CHD5: variants seen among roughly 807,000 people sequenced by gnomAD.
The protein encoded by CHD5 is chromodomain helicase DNA binding protein 5.
A neutral mutation model predicts 230.3 loss-of-function variants in CHD5; 69 were observed. That is an observed-to-expected ratio of 0.30 (90% confidence interval 0.25 to 0.37). The LOEUF is 0.37. CHD5 is among the 10% of genes least tolerant of loss of function. The pLI is 1.00. For missense variants in CHD5, 1,827 were observed against 2,622.8 expected, an observed-to-expected ratio of 0.70 and a Z score of 6.63; for synonymous variants, 1,064 against 1,065.9, an observed-to-expected ratio of 1.00 and a Z score of 0.03.
At chr1:6,136,409 G>T in intron 17 of CHD5, 108 bp downstream of exon 17, 2 of 1,305,860 alleles carry the variant, frequency 1.5e-6, no homozygotes, top group South Asian at 1.4e-5. Flanking sequence ...TTACTGATGA[G>T]GAAGCAACGG....
chr1:6,123,983 G>T lies in CHD5; in HGVS notation c.4664C>A (p.Pro1555His). 6.2e-7 allele frequency: 1 copy of T among 1,605,664 alleles called. No homozygotes were observed. Residue 1555 changes from proline to histidine, a missense_variant, in exon 31 of 42, where the codon CCT (proline) becomes CAT (histidine). This residue lies in a region of CHD5 where 272 missense variants were observed against 263.2 expected (regional missense o/e 1.03). Transcript: ENST00000262450. ...CAGCGGGGCTGGCAGGAGGTGGGCA[G>T]GGCTGGCGGGCACTGGTGTGTTGGG... ...SDPNTPVPAS[P>H]AHLLPAPLGL...
chr1:6,180,052 C>G lies in CHD5; in HGVS notation c.-29G>C. 1 of 1,219,284 alleles carries G rather than the reference C, an allele frequency of 8.2e-7. No individual in the cohort carries two copies. Among genetic ancestry groups the G allele is most frequent in the Non-Finnish European group, 1.0e-6 (1 of 954,340 alleles). 75.5% of individuals were successfully genotyped at this position (1,219,284 alleles called of 1,614,324 possible). ...CGGCGCGGGGAGGAGGGGAGGTGGG[C>G]GCCCCCCCTCCCGCCGGGCGCGGTG... is the stretch of plus-strand genomic sequence containing the variant. On this transcript the variant is annotated 5_prime_UTR_variant, in exon 1 of 42. Transcript: ENST00000262450.
At chr1:6,157,744 T>C (rs1667101813) in intron 3 of CHD5, among the ~76,000 whole-genome samples, 1 of 152,204 alleles carries the variant, frequency 6.6e-6, no homozygotes, top group Non-Finnish European at 1.5e-5. Flanking sequence ...ACGGACCCCT[T>C]GGTCCCCACC....
intron 1 of CHD5, among the ~76,000 whole-genome samples, chr1:6,170,310 A>AC (rs1377342186): frequency 6.6e-6 from 1 of 151,916 alleles, no homozygotes. Flanking sequence ...CCGGCCTGGG[A>AC]CCCCCAGAGA....
rs200063386 is a variant in CHD5, at chr1:6,146,441, C to G, written c.1591-18G>C. 1 of 1,608,538 alleles carries G rather than the reference C, an allele frequency of 6.2e-7. No individual in the cohort carries two copies. The highest frequency in any genetic ancestry group is 1.3e-5 in the African/African-American group (1 of 74,868). Reference sequence around the variant, plus strand: ...AGCTCCAGCTGCTCATGGAGCGGCACAAAGTCACAGAAGGGAGATGGGCCA... The same window carrying G: ...AGCTCCAGCTGCTCATGGAGCGGCAGAAAGTCACAGAAGGGAGATGGGCCA... On this transcript the variant is annotated intron_variant, in intron 10 of 41. Transcript: ENST00000262450. This position sits in a 1 kb window ranked among gnomAD's most constrained non-coding sequence, Gnocchi z 5.1.
chr1:6,159,357 ATCATCC>A lies in CHD5; in HGVS notation c.360_365del (p.Glu120_Asp121del), dbSNP rs962029874. On this transcript the variant is annotated inframe_deletion, in exon 3 of 42. Transcript: ENST00000262450. ...TTACCTTTAAGCATCCATCATCATT[ATCATCC>A]TCATCCTCATCCTTCTTTTTTCGCT... 3.9e-5 allele frequency: 60 copies of A among 1,551,462 alleles called. No individual in the cohort carries two copies. Among genetic ancestry groups the A allele is most frequent in the Non-Finnish European group, 4.9e-5 (56 of 1,146,878 alleles).
chr1:6,150,019 GGATGGA>G (rs1666977323), intron 7 of CHD5, among the ~76,000 whole-genome samples: 2 of 151,046 alleles, frequency 1.3e-5, no homozygotes, highest in African/African-American at 4.9e-5. Context: ...ATGGATGGAT[GGATGGA>G]TGGATGGGCA....
intron 1 of CHD5, 65 bp downstream of exon 1, chr1:6,179,880 C>T: frequency 2.1e-6 from 2 of 931,072 alleles, no homozygotes; most frequent in South Asian, 3.1e-5. Flanking sequence ...CGCGCTCCGC[C>T]CTGGGCCCGG....
At chr1:6,148,466 C>T (rs1190580391) in intron 9 of CHD5, among the ~76,000 whole-genome samples, 2 of 152,196 alleles carry the variant, frequency 1.3e-5, no homozygotes, top group Non-Finnish European at 2.9e-5. Flanking sequence ...CCCTGAGCAT[C>T]AGTTTTCTCA....
rs766867500 is a variant in CHD5, at chr1:6,126,726, G to T, written c.3924C>A (p.Ile1308=). ...EDGVEEVERE[I]IKQEENVDPD... ...GGTCCACGTTCTCCTCCTGCTTGATGATTTCCCGCTCCACCTCCTCCTGGG... is the reference window on the plus strand; with the variant it reads ...GGTCCACGTTCTCCTCCTGCTTGATTATTTCCCGCTCCACCTCCTCCTGGG... The change falls in exon 26 of 42, where the codon ATC becomes ATA. Residue 1308 remains isoleucine, a synonymous_variant. Coordinates refer to ENST00000262450, the MANE Select transcript of CHD5 (RefSeq NM_015557.3). This position sits in a 1 kb window ranked among gnomAD's most constrained non-coding sequence, Gnocchi z 5.7. 2 of 1,613,758 alleles carry T rather than the reference G, an allele frequency of 1.2e-6. No homozygotes were observed. Among genetic ancestry groups the T allele is most frequent in the Non-Finnish European group, 1.7e-6 (2 of 1,179,798 alleles).
chr1:6,154,526 A>G lies in CHD5; in HGVS notation c.745+134T>C. ...AAAGGACCGGGCAATCCAAGGTCAC[A>G]CAGGCACAGAGCCCTCCATTAGGAG... is the stretch of plus-strand genomic sequence containing the variant. On this transcript the variant is annotated intron_variant, in intron 5 of 41. Coordinates refer to ENST00000262450, the MANE Select transcript of CHD5 (RefSeq NM_015557.3). This position sits in a 1 kb window ranked among gnomAD's most constrained non-coding sequence, Gnocchi z 7.0. The G allele has an allele frequency of 1.4e-6, 1 of 728,816 alleles. No individual in the cohort carries two copies. Among genetic ancestry groups the G allele is most frequent in the Non-Finnish European group, 2.1e-6 (1 of 468,246 alleles). 45.1% of individuals were successfully genotyped at this position (728,816 alleles called of 1,614,324 possible).
Position 6,104,424 on chromosome 1 carries a change from G to A in CHD5, c.*1050C>T, listed in dbSNP as rs1340607577. The stretch of plus-strand genomic sequence containing the variant: ...GGGACAGGGGAATGGGACAAGTCCA[G>A]GCCCCCAGGGGCAGCCCGGTTCCAC... On this transcript the variant is annotated 3_prime_UTR_variant, in exon 42 of 42. Transcript: ENST00000262450. 6 of 152,396 alleles carry A rather than the reference G, an allele frequency of 3.9e-5. No homozygotes were observed. The highest frequency in any genetic ancestry group is 1.4e-4 in the African/African-American group (6 of 41,434). The allele number at this position is 152,396 out of a possible 1,614,324, so 9.4% of individuals were successfully genotyped here. A position where few individuals can be genotyped will look rare whatever the true frequency, so the allele number is the denominator to read the frequency against.
intron 40 of CHD5, 50 bp downstream of exon 40, chr1:6,106,345 G>T (rs761991010): frequency 1.2e-6 from 2 of 1,611,736 alleles, no homozygotes; most frequent in African/African-American, 2.7e-5. Flanking sequence ...AGGCAGGCCG[G>T]GCCCGGCGGG....
intron 33 of CHD5, among the ~76,000 whole-genome samples, 190 bp downstream of exon 33, chr1:6,120,915 A>AC (rs1205607439): frequency 6.6e-6 from 1 of 152,040 alleles, no homozygotes; most frequent in East Asian, 1.9e-4. Flanking sequence ...AAAAAAAAAA[A>AC]AGTCCATTAA....
At chr1:6,143,772 TG>T in intron 13 of CHD5, 50 bp downstream of exon 13, 2 of 1,518,930 alleles carry the variant, frequency 1.3e-6, no homozygotes, top group Non-Finnish European at 9.1e-7. Context: ...AAGTCTGAGG[TG>T]GGCAGGCCCT....
Position 6,156,496 on chromosome 1 carries a change from A to G in CHD5, c.388-779T>C, listed in dbSNP as rs551504502. ...GGTTGCAGTGAGCCGAGATGGCGCCACTGCACTCCAGCCTGGGTGACAGAG... is the reference window on the plus strand; with the variant it reads ...GGTTGCAGTGAGCCGAGATGGCGCCGCTGCACTCCAGCCTGGGTGACAGAG... On this transcript the variant is annotated intron_variant, in intron 3 of 41. Transcript: ENST00000262450. Among the ~76,000 whole-genome samples the G allele has an allele frequency of 4.8e-5, 7 of 147,288 alleles. No homozygotes were observed. The East Asian group carries it at 1.4e-3, about 30-fold the overall frequency.
At chr1:6,111,652 G>A (rs1158956105) in intron 36 of CHD5, 123 bp downstream of exon 36, 9 of 740,850 alleles carry the variant, frequency 1.2e-5, no homozygotes, top group East Asian at 2.7e-5. Flanking sequence ...TCTAGCCACC[G>A]CCAGAAGTGA....
intron 3 of CHD5, among the ~76,000 whole-genome samples, chr1:6,158,444 C>A (rs945153983): frequency 1.3e-5 from 2 of 152,206 alleles, no homozygotes; most frequent in Admixed American, 1.3e-4. Flanking sequence ...TCCCGAATTG[C>A]TCCAAGCAAG....
chr1:6,109,144 G>A (rs977495898), intron 38 of CHD5, among the ~76,000 whole-genome samples: 1 of 152,000 alleles, frequency 6.6e-6, no homozygotes, highest in Admixed American at 6.5e-5. Context: ...GGCTGCAGAC[G>A]AGCCAGCCAG....
Sources: gnomAD v4.1 joint callset for allele counts (sites outside exome capture counted in the v4.1 genomes callset) on GRCh38, gnomAD v4.1.1 for gene constraint, gnomAD v4.1.1 regional missense constraint, Gnocchi (gnomAD v3.1) non-coding constraint, MANE v1.5 for transcripts, NCBI Gene and HGNC (gene_info 2026-07-23, HGNC 2026-07-21) for gene names.